Variants in SLC39A11 observed in about 807,000 individuals in gnomAD.
SLC39A11 encodes the protein solute carrier family 39 member 11, also known as zinc transporter ZIP11.
A neutral mutation model predicts 36.1 loss-of-function variants in SLC39A11; 33 were observed. That is an observed-to-expected ratio of 0.91 (90% CI 0.69 to 1.22). The LOEUF is 1.22. Ranked by LOEUF, SLC39A11 falls within the 50% of genes most tolerant of loss-of-function variation. SLC39A11 has a pLI of 0.00. For synonymous variants in SLC39A11, 166 were observed against 170.3 expected (o/e 0.97, Z 0.20); for missense variants, 432 against 430.3 (o/e 1.00, Z -0.03).
chr17:72,963,637 G>A (rs948513575), intron 4 of SLC39A11, among the ~76,000 whole-genome samples: 3 of 152,110 alleles, frequency 2.0e-5, no homozygotes, highest in Non-Finnish European at 4.4e-5. Flanking sequence ...AAGATGTAGC[G>A]CTCCACCAAT....
intron 6 of SLC39A11, among the ~76,000 whole-genome samples, chr17:72,797,073 G>T (rs1439851719): frequency 6.6e-6 from 1 of 152,130 alleles, no homozygotes; most frequent in African/African-American, 2.4e-5. Flanking sequence ...GCTTGAAAGT[G>T]CCTGTGTGTG....
At chr17:72,864,551 T>C (rs2146275394) in intron 5 of SLC39A11, among the ~76,000 whole-genome samples, 1 of 152,262 alleles carries the variant, frequency 6.6e-6, no homozygotes, top group East Asian at 1.9e-4. Context: ...ATAACGATTC[T>C]GAACACCATA....
At chr17:73,002,708 A>G (rs187904999) in intron 4 of SLC39A11, among the ~76,000 whole-genome samples, 43 of 152,346 alleles carry the variant, frequency 2.8e-4, no homozygotes, top group African/African-American at 1.0e-3. Context: ...CACAAATGCA[A>G]TGGCTTCAAA....
intron 5 of SLC39A11, among the ~76,000 whole-genome samples, chr17:72,915,166 C>T (rs1024738912): frequency 6.6e-6 from 1 of 152,108 alleles, no homozygotes; most frequent in Non-Finnish European, 1.5e-5. Flanking sequence ...TGTCCCAGGG[C>T]TAGGTAACTC....
chr17:72,863,391 C>T (rs2080141275), intron 5 of SLC39A11, among the ~76,000 whole-genome samples: 1 of 152,080 alleles, frequency 6.6e-6, no homozygotes, highest in Non-Finnish European at 1.5e-5. Context: ...ACTCTGTTCT[C>T]GGAGGACCCA....
intron 6 of SLC39A11, among the ~76,000 whole-genome samples, chr17:72,772,457 T>A (rs1341633486): frequency 2.0e-5 from 3 of 152,196 alleles, no homozygotes; most frequent in African/African-American, 7.2e-5. Context: ...GCCTTGGGCA[T>A]CTTCTATCTC....
chr17:72,866,810 C>A (rs1417104802), intron 5 of SLC39A11, among the ~76,000 whole-genome samples: 2 of 152,178 alleles, frequency 1.3e-5, no homozygotes, highest in Non-Finnish European at 2.9e-5. Flanking sequence ...CATTTAAATG[C>A]AATTTGATTT....
At chr17:72,713,892 TATACAGATTTTAAA>T (rs1443508878) in intron 7 of SLC39A11, among the ~76,000 whole-genome samples, 2 of 152,104 alleles carry the variant, frequency 1.3e-5, no homozygotes, top group Non-Finnish European at 2.9e-5. Context: ...ATAGGCCCAT[TATACAGATTTTAAA>T]AAAGCAAACT....
intron 1 of SLC39A11, among the ~76,000 whole-genome samples, chr17:73,090,506 C>A (rs1461261695): frequency 6.6e-6 from 1 of 152,200 alleles, no homozygotes; most frequent in African/African-American, 2.4e-5. Flanking sequence ...GCCATCTGGA[C>A]CATTACACCA....
At chr17:72,879,415 T>C (rs1347935290) in intron 5 of SLC39A11, among the ~76,000 whole-genome samples, 1 of 152,236 alleles carries the variant, frequency 6.6e-6, no homozygotes, top group South Asian at 2.1e-4. Flanking sequence ...AGAGATTCCA[T>C]GGGTTTTAGG....
Position 72,820,846 on chromosome 17 carries a change from G to A in SLC39A11, c.601+28788C>T, listed in dbSNP as rs188554996. Among the ~76,000 whole-genome samples, 19 of 151,390 alleles carry A rather than the reference G, an allele frequency of 1.3e-4. 1 individual carries two copies. Among genetic ancestry groups the A allele is most frequent in the Admixed American group, 1.1e-3 (16 of 15,204 alleles). On this transcript the variant is annotated intron_variant, in intron 6 of 9. Coordinates refer to ENST00000255559, the MANE Select transcript of SLC39A11 (RefSeq NM_139177.4). ...GGAGAAACATGTGGATGGGGGTACA[G>A]CTGCCTCCCAGCAAGTCAGAGCACA...
intron 7 of SLC39A11, among the ~76,000 whole-genome samples, chr17:72,661,083 G>A (rs2070392544): frequency 6.6e-6 from 1 of 152,194 alleles, no homozygotes. Flanking sequence ...CAGGCTTCTA[G>A]GGAACTTAGC....
intron 4 of SLC39A11, among the ~76,000 whole-genome samples, chr17:72,973,620 A>G (rs781100062): frequency 5.9e-5 from 9 of 151,876 alleles, no homozygotes; most frequent in Non-Finnish European, 8.8e-5. Context: ...GTGCAGTGGC[A>G]CAATCACAGC....
chr17:73,021,488 G>A (rs1457367228), intron 4 of SLC39A11, among the ~76,000 whole-genome samples: 1 of 151,972 alleles, frequency 6.6e-6, no homozygotes, highest in Non-Finnish European at 1.5e-5. Context: ...ATTACAAGCA[G>A]GCACCACCAT....
intron 6 of SLC39A11, among the ~76,000 whole-genome samples, chr17:72,845,064 C>T (rs1253408864): frequency 6.6e-6 from 1 of 152,222 alleles, no homozygotes; most frequent in African/African-American, 2.4e-5. Flanking sequence ...CCTTGGTCTG[C>T]ACCACTATCA....
chr17:72,737,480 T>C lies in SLC39A11; in HGVS notation c.602-761A>G, dbSNP rs536483638. Among the ~76,000 whole-genome samples the C allele has an allele frequency of 2.8e-4, 42 of 152,278 alleles. 1 individual carries two copies. In the South Asian group the frequency reaches 7.1e-3, roughly 26 times the overall value. On this transcript the variant is annotated intron_variant, in intron 6 of 9. Transcript: ENST00000255559. ...TACTTTCTGGAACTTTCATAACCCC[T>C]GGCCTAAACACACAGGGCTTTATTT...
At chr17:72,744,705 A>AG (rs1317145371) in intron 6 of SLC39A11, among the ~76,000 whole-genome samples, 1 of 152,024 alleles carries the variant, frequency 6.6e-6, no homozygotes, top group African/African-American at 2.4e-5. Flanking sequence ...AGGAAGGGTG[A>AG]GGGGGCCTCT....
chr17:72,993,504 G>A (rs185923489), intron 4 of SLC39A11, among the ~76,000 whole-genome samples: 22 of 152,272 alleles, frequency 1.4e-4, no homozygotes, highest in Admixed American at 5.9e-4. Context: ...TGCTAACTTC[G>A]CCTGGGAGCA....
At chr17:72,968,643 C>A (rs563461821) in intron 4 of SLC39A11, among the ~76,000 whole-genome samples, 145 of 152,230 alleles carry the variant, frequency 9.5e-4, no homozygotes, top group African/African-American at 3.4e-3. Flanking sequence ...GAATCCTCCC[C>A]GACCGCCCAT....
Sources: allele counts gnomAD v4.1 joint callset (sites outside exome capture counted in the v4.1 genomes callset), GRCh38; gene constraint gnomAD v4.1.1; transcripts MANE v1.5; gene names NCBI Gene and HGNC (gene_info 2026-07-23, HGNC 2026-07-21).